CMC2: variants seen among roughly 807,000 people sequenced by gnomAD.
CMC2 encodes the protein C-X9-C motif containing 2.
A neutral mutation model predicts 7.5 loss-of-function variants in CMC2; 5 were observed. The ratio of observed to expected loss-of-function variants is 0.66; its 90% CI spans 0.35 to 1.40. CMC2 has a LOEUF of 1.40. Among genes scored for constraint, CMC2 ranks in the 40% most tolerant of loss-of-function variants. CMC2 has a pLI of 0.04. For missense variants in CMC2, 115 were observed against 92.3 expected (o/e 1.25, Z -1.01); for synonymous variants, 37 against 31.4 (o/e 1.18, Z -0.60).
rs1912153691 is a variant in CMC2 at position 80,974,698 on chromosome 16, T to C, written c.*1395A>G. The C allele has an allele frequency of 6.6e-6, 1 of 152,236 alleles. No individual in the cohort carries two copies. Among genetic ancestry groups the C allele is most frequent in the African/African-American group, 2.4e-5 (1 of 41,450 alleles). 9.4% of individuals were successfully genotyped at this position (152,236 alleles called of 1,614,324 possible). A position where few individuals can be genotyped will look rare whatever the true frequency, so the allele number is the denominator to read the frequency against. Reference sequence around the variant, plus strand: ...ATCATGGCACTTTGATGATTACAGGTGACTAAAAGTCAACTTTTCAGTTAA... The same window carrying C: ...ATCATGGCACTTTGATGATTACAGGCGACTAAAAGTCAACTTTTCAGTTAA... On this transcript the variant is annotated 3_prime_UTR_variant, in exon 4 of 4. Transcript: ENST00000219400.
chr16:80,976,148 T>C lies in CMC2; in HGVS notation c.185A>G (p.His62Arg), dbSNP rs1374910522. 4 of 1,608,148 alleles carry C rather than the reference T, an allele frequency of 2.5e-6. No homozygotes were observed. Among genetic ancestry groups the C allele is most frequent in the East Asian group, 2.2e-5 (1 of 44,826 alleles). The change falls in exon 4 of 4, where the codon CAT becomes CGT. Residue 62 changes from histidine (H) to arginine (R), a missense_variant. Coordinates refer to ENST00000219400, the MANE Select transcript of CMC2 (RefSeq NM_020188.5). ...AAGTTTCTTTCGCATTGCAATGCCATGCTCCCTGCTCTTGGTCCTGTTTTC... is the reference window on the plus strand; with the variant it reads ...AAGTTTCTTTCGCATTGCAATGCCACGCTCCCTGCTCTTGGTCCTGTTTTC... ...YVENRTKSRE[H>R]GIAMRKKLFN...
intron 1 of CMC2, among the ~76,000 whole-genome samples, chr16:81,000,939 T>TGGA (rs994559355): frequency 2.6e-5 from 4 of 152,168 alleles, no homozygotes; most frequent in African/African-American, 9.7e-5. Context: ...AGATATGGAA[T>TGGA]CAACCTAAGT....
intron 3 of CMC2, among the ~76,000 whole-genome samples, chr16:80,978,023 G>T (rs1346656200): frequency 6.8e-6 from 1 of 148,024 alleles, no homozygotes; most frequent in Non-Finnish European, 1.5e-5. Context: ...AGTGAGCCGA[G>T]ATCGCACCAC....
chr16:80,996,042 T>A (rs1428099132), intron 2 of CMC2, among the ~76,000 whole-genome samples: 1 of 152,020 alleles, frequency 6.6e-6, no homozygotes, highest in African/African-American at 2.4e-5. Context: ...AGATTTCAAT[T>A]TAAAAACAGT....
chr16:80,978,431 G>C (rs1455810931), intron 3 of CMC2: 5 of 1,225,686 alleles, frequency 4.1e-6, no homozygotes, highest in African/African-American at 3.2e-5. Context: ...TAAAAGGGGA[G>C]AAAAGGATGA....
At chr16:81,004,297 T>G (rs925185916) in intron 1 of CMC2, among the ~76,000 whole-genome samples, 3 of 152,216 alleles carry the variant, frequency 2.0e-5, no homozygotes, top group Admixed American at 2.0e-4. Context: ...CGTTCTTGGA[T>G]GTTTCCAGTG....
intron 2 of CMC2, among the ~76,000 whole-genome samples, chr16:80,994,878 G>A (rs1968281016): frequency 1.3e-5 from 2 of 152,188 alleles, no homozygotes; most frequent in South Asian, 4.1e-4. Flanking sequence ...GGGTGCGGTG[G>A]CTCATGCCTG....
intron 3 of CMC2, chr16:80,980,850 G>A (rs1176939744): frequency 2.9e-6 from 2 of 699,966 alleles, no homozygotes; most frequent in East Asian, 2.7e-5. Context: ...TCACCCTACT[G>A]CACTCCAGCT....
At chr16:80,987,250 T>G (rs1338658227) in intron 2 of CMC2, among the ~76,000 whole-genome samples, 1 of 152,172 alleles carries the variant, frequency 6.6e-6, no homozygotes, top group Non-Finnish European at 1.5e-5. Context: ...ATGTATTTAT[T>G]TTCTCACGAT....
At chr16:81,003,305 A>T (rs965975591) in intron 1 of CMC2, among the ~76,000 whole-genome samples, 8 of 152,352 alleles carry the variant, frequency 5.3e-5, no homozygotes, top group Admixed American at 1.3e-4. Context: ...CGTATTCCAT[A>T]TTCTTATTCT....
chr16:80,991,547 G>T (rs1213369735), intron 2 of CMC2, among the ~76,000 whole-genome samples: 1 of 151,810 alleles, frequency 6.6e-6, no homozygotes, highest in Non-Finnish European at 1.5e-5. Context: ...AGGGTGAGAT[G>T]AGAGGATCAC....
intron 3 of CMC2, among the ~76,000 whole-genome samples, chr16:80,977,176 C>A (rs1912491941): frequency 6.6e-6 from 1 of 152,180 alleles, no homozygotes; most frequent in Admixed American, 6.5e-5. Flanking sequence ...ACCTGATACT[C>A]CTCAAATCCT....
intron 1 of CMC2, among the ~76,000 whole-genome samples, chr16:81,002,815 A>T (rs1229010528): frequency 6.6e-6 from 1 of 152,210 alleles, no homozygotes; most frequent in African/African-American, 2.4e-5. Flanking sequence ...TAATAATTGT[A>T]TATATTTATA....
Position 80,974,700 on chromosome 16 carries a change from A to T in CMC2, c.*1393T>A, listed in dbSNP as rs924774584. Reference sequence around the variant, plus strand: ...CATGGCACTTTGATGATTACAGGTGACTAAAAGTCAACTTTTCAGTTAACT... The same window carrying T: ...CATGGCACTTTGATGATTACAGGTGTCTAAAAGTCAACTTTTCAGTTAACT... On this transcript the variant is annotated 3_prime_UTR_variant, in exon 4 of 4. Coordinates refer to ENST00000219400, the MANE Select transcript of CMC2 (RefSeq NM_020188.5). 8 of 152,236 alleles carry T rather than the reference A, an allele frequency of 5.3e-5. No homozygotes were observed. The highest frequency in any genetic ancestry group is 1.9e-4 in the African/African-American group (8 of 41,468). The allele number at this position is 152,236 out of a possible 1,614,324, so 9.4% of individuals were successfully genotyped here.
chr16:80,991,110 G>T (rs1022715193), intron 2 of CMC2, among the ~76,000 whole-genome samples: 2 of 151,200 alleles, frequency 1.3e-5, no homozygotes, highest in African/African-American at 2.4e-5. Context: ...ACAAAACAAA[G>T]TAGTATTGGA....
Position 80,970,812 on chromosome 16 carries a change from T to A in CMC2, c.*5281A>T, listed in dbSNP as rs941380099. On this transcript the variant is annotated 3_prime_UTR_variant, in exon 4 of 4. Transcript: ENST00000219400. ...AGAATAAATTGGATGCAGGGGCTCA[T>A]GCCTATAATCCCTGCTTTATAAAAA... The A allele has an allele frequency of 1.3e-5, 2 of 152,344 alleles. No individual in the cohort carries two copies. Among genetic ancestry groups the A allele is most frequent in the Admixed American group, 6.5e-5 (1 of 15,308 alleles). 9.4% of individuals were successfully genotyped at this position (152,344 alleles called of 1,614,324 possible). A position where few individuals can be genotyped will look rare whatever the true frequency, so the allele number is the denominator to read the frequency against.
At position 80,967,148 on chromosome 16, in the gene CMC2, CAG is replaced by C. The variant is rs1453374995; in HGVS notation, c.*8943_*8944del. ...ATACAGGAATAATGTGGTGTCTGCCCAGAGAGGTGTCAGCCCAGAGAGCTTTC... is the reference window on the plus strand; with the variant it reads ...ATACAGGAATAATGTGGTGTCTGCCCAGAGGTGTCAGCCCAGAGAGCTTTC... On this transcript the variant is annotated 3_prime_UTR_variant, in exon 4 of 4. Coordinates refer to ENST00000219400, the MANE Select transcript of CMC2 (RefSeq NM_020188.5). The C allele has an allele frequency of 6.6e-6, 1 of 152,102 alleles. No homozygotes were observed. Among genetic ancestry groups the C allele is most frequent in the Admixed American group, 6.6e-5 (1 of 15,266 alleles). 9.4% of individuals were successfully genotyped at this position (152,102 alleles called of 1,614,324 possible).
Position 80,975,313 on chromosome 16 carries a change from G to A in CMC2, c.*780C>T, listed in dbSNP as rs1467920438. The A allele has an allele frequency of 6.6e-6, 1 of 152,206 alleles. No homozygotes were observed. The highest frequency in any genetic ancestry group is 2.4e-5 in the African/African-American group (1 of 41,448). 9.4% of individuals were successfully genotyped at this position (152,206 alleles called of 1,614,324 possible). A position where few individuals can be genotyped will look rare whatever the true frequency, so the allele number is the denominator to read the frequency against. On this transcript the variant is annotated 3_prime_UTR_variant, in exon 4 of 4. Transcript: ENST00000219400. Reference sequence around the variant, plus strand: ...AGATGAAATTTTATCAATGTTAAGTGTAAATATTTAATCTTTTAGTCTGGG... The same window carrying A: ...AGATGAAATTTTATCAATGTTAAGTATAAATATTTAATCTTTTAGTCTGGG...
At position 80,966,664 on chromosome 16, in the gene CMC2, G is replaced by C. The variant is rs1911574388; in HGVS notation, c.*9429C>G. The C allele has an allele frequency of 6.6e-6, 1 of 152,064 alleles. No individual in the cohort carries two copies. Among genetic ancestry groups the C allele is most frequent in the Admixed American group, 6.5e-5 (1 of 15,272 alleles). 9.4% of individuals were successfully genotyped at this position (152,064 alleles called of 1,614,324 possible). On this transcript the variant is annotated 3_prime_UTR_variant, in exon 4 of 4. Coordinates refer to ENST00000219400, the MANE Select transcript of CMC2 (RefSeq NM_020188.5). ...TTATCTTCAGGATGTATCACCTTCT[G>C]GAGATGTAAAGTCAAAATATTGTAT...
Sources: gnomAD v4.1 joint callset for allele counts (sites outside exome capture counted in the v4.1 genomes callset) on GRCh38, gnomAD v4.1.1 for gene constraint, MANE v1.5 for transcripts, NCBI Gene and HGNC (gene_info 2026-07-23, HGNC 2026-07-21) for gene names.